RERE: variants seen among roughly 807,000 people sequenced by gnomAD.
The protein encoded by RERE is arginine-glutamic acid dipeptide repeats protein.
A neutral mutation model predicts 146.1 loss-of-function variants in RERE; 40 were observed. The ratio of observed to expected loss-of-function variants is 0.27; its 90% CI spans 0.21 to 0.36. The LOEUF (loss-of-function observed/expected upper bound fraction) is 0.36, where lower values mean the gene tolerates loss of function less well. Ranked by LOEUF, RERE falls within the 10% of genes least tolerant of loss-of-function variation. RERE has a pLI of 1.00. For synonymous variants in RERE, 1,003 were observed against 866.0 expected (o/e 1.16, Z -2.78); for missense variants, 1,933 against 2,138.7 (o/e 0.90, Z 1.90).
Position 8,503,087 on chromosome 1 carries a change from AAAATAAAT to A in RERE, c.879+5532_879+5539del, listed in dbSNP as rs199506860. ...AGAAACACCCAAGAATGATCAATTA[AAAATAAAT>A]AAATAAATAAATAAATAAATAAATA... is the stretch of plus-strand genomic sequence containing the variant. On this transcript the variant is annotated intron_variant, in intron 8 of 22. Coordinates refer to ENST00000400908, the MANE Select transcript of RERE (RefSeq NM_001042681.2). Among the ~76,000 whole-genome samples the A allele has an allele frequency of 4.5e-3, 657 of 144,650 alleles. 2 individuals carry two copies. The highest frequency in any genetic ancestry group is 0.027 in the South Asian group (126 of 4,608). 94.9% of individuals were successfully genotyped at this position (144,650 alleles called of 152,430 possible).
intron 10 of RERE, among the ~76,000 whole-genome samples, chr1:8,472,780 G>A (rs144470503): frequency 4.7e-4 from 71 of 151,942 alleles, no homozygotes; most frequent in East Asian, 3.1e-3. Flanking sequence ...CTGCCCCCAC[G>A]CAACCACTAT....
Position 8,472,202 on chromosome 1 carries a change from A to G in RERE, c.1105-6179T>C, listed in dbSNP as rs113401854. ...ATTCCTTACATAAAGTAGAATTGGT[A>G]AATTTATCAAAACACTGGCTATCTT... On this transcript the variant is annotated intron_variant, in intron 10 of 22. Transcript: ENST00000400908. Among the ~76,000 whole-genome samples, 1,148 of 152,342 alleles carry G rather than the reference A, an allele frequency of 7.5e-3. 14 individuals carry two copies. Among genetic ancestry groups the G allele is most frequent in the African/African-American group, 0.026 (1,087 of 41,576 alleles).
At chr1:8,446,627 C>T (rs552653847) in intron 11 of RERE, among the ~76,000 whole-genome samples, 19 of 152,248 alleles carry the variant, frequency 1.2e-4, no homozygotes, top group Admixed American at 2.6e-4. Context: ...ACCAATCAAA[C>T]GTAGGTTTGG....
intron 10 of RERE, among the ~76,000 whole-genome samples, chr1:8,476,229 G>A (rs1644754853): frequency 6.6e-6 from 1 of 152,144 alleles, no homozygotes. Context: ...TACTAAAAAT[G>A]AGGAAATGAA....
At chr1:8,466,937 C>T (rs1262361240) in intron 10 of RERE, among the ~76,000 whole-genome samples, 2 of 152,212 alleles carry the variant, frequency 1.3e-5, no homozygotes, top group Non-Finnish European at 2.9e-5. Context: ...CCTGCTCTAT[C>T]TACCTCCCCA....
At chr1:8,438,502 C>G (rs1644201281) in intron 11 of RERE, among the ~76,000 whole-genome samples, 1 of 152,134 alleles carries the variant, frequency 6.6e-6, no homozygotes, top group Non-Finnish European at 1.5e-5. Context: ...AGGGATTTCC[C>G]ATATAGATGG....
intron 6 of RERE, among the ~76,000 whole-genome samples, chr1:8,552,482 A>G (rs1645948046): frequency 6.6e-6 from 1 of 152,128 alleles, no homozygotes; most frequent in African/African-American, 2.4e-5. Context: ...ATGTGCCCAC[A>G]GACTATTTTA....
Position 8,509,245 on chromosome 1 carries a change from C to T in RERE, c.831-570G>A, listed in dbSNP as rs1273753803. 2.6e-5 allele frequency among the ~76,000 whole-genome samples: 4 copies of T among 152,252 alleles called. No homozygotes were observed. In the East Asian group the frequency reaches 7.7e-4, roughly 29 times the overall value. On this transcript the variant is annotated intron_variant, in intron 7 of 22. Transcript: ENST00000400908. ...TACAAGCACGAGCCACCACACCTGG[C>T]CCCTATACCATCATTCTTTCATGCC...
At chr1:8,455,534 G>T (rs1489734869) in intron 11 of RERE, among the ~76,000 whole-genome samples, 1 of 152,026 alleles carries the variant, frequency 6.6e-6, no homozygotes, top group Non-Finnish European at 1.5e-5. Flanking sequence ...ACCACAAACT[G>T]GAAGGAGTTG....
chr1:8,443,459 G>GAAAAAAAAAAAAAAAAAAAAAAA (rs144499944), intron 11 of RERE, among the ~76,000 whole-genome samples: 1 of 112,776 alleles, frequency 8.9e-6, no homozygotes, highest in Non-Finnish European at 1.7e-5. Flanking sequence ...CTCAAAAAAA[G>GAAAAAAAAAAAAAAAAAAAAAAA]AAAAAAAAAA....
chr1:8,643,722 C>G (rs968424309), intron 2 of RERE, among the ~76,000 whole-genome samples: 1 of 152,182 alleles, frequency 6.6e-6, no homozygotes, highest in Non-Finnish European at 1.5e-5. Flanking sequence ...GTGAGCACAG[C>G]AGACAGGGCA....
chr1:8,494,642 G>C (rs1298956736), intron 10 of RERE, among the ~76,000 whole-genome samples: 1 of 152,320 alleles, frequency 6.6e-6, no homozygotes, highest in South Asian at 2.1e-4. Flanking sequence ...AGAACGGTGT[G>C]AAGCCGGGAA....
At chr1:8,644,346 G>A (rs1335572084) in intron 2 of RERE, among the ~76,000 whole-genome samples, 2 of 152,130 alleles carry the variant, frequency 1.3e-5, no homozygotes, top group African/African-American at 4.8e-5. Flanking sequence ...TATAGCATGT[G>A]GTTGGAACGG....
rs143160840 is a variant in RERE at position 8,426,327 on chromosome 1, G to A, written c.1204-3520C>T. 4.1e-3 allele frequency among the ~76,000 whole-genome samples: 621 copies of A among 151,956 alleles called. 3 individuals carry two copies. Among genetic ancestry groups the A allele is most frequent in the African/African-American group, 0.014 (595 of 41,420 alleles). ...AAATTAGCTGGGCATGGTGGTGGGC[G>A]CCTGTAGTCCCAGCTACTGGGGAGG... On this transcript the variant is annotated intron_variant, in intron 11 of 22. Transcript: ENST00000400908.
intron 1 of RERE, among the ~76,000 whole-genome samples, chr1:8,726,617 T>C (rs1639974664): frequency 6.6e-6 from 1 of 152,062 alleles, no homozygotes; most frequent in Non-Finnish European, 1.5e-5. Flanking sequence ...GGGGAAAGAG[T>C]TCAGAACACC....
chr1:8,390,664 A>T lies in RERE; in HGVS notation c.1285-24690T>A, dbSNP rs980999860. 6.6e-5 allele frequency among the ~76,000 whole-genome samples: 10 copies of T among 151,976 alleles called. No homozygotes were observed. In the East Asian group the frequency reaches 1.3e-3, roughly 21 times the overall value. ...TAGTAAATATTTTAAAACTATTTTT[A>T]AAAAATCATATTTATCCAGTTAAAA... On this transcript the variant is annotated intron_variant, in intron 12 of 22. Transcript: ENST00000400908.
intron 1 of RERE, among the ~76,000 whole-genome samples, chr1:8,789,297 A>ATATATATAT (rs1468727127): frequency 3.1e-5 from 2 of 64,162 alleles, no homozygotes; most frequent in South Asian, 5.1e-4. Context: ...AAAAAAAAAA[A>ATATATATAT]AAAAATATAT....
intron 1 of RERE, among the ~76,000 whole-genome samples, chr1:8,669,364 GC>G (rs1403389063): frequency 3.3e-5 from 5 of 152,126 alleles, no homozygotes; most frequent in Admixed American, 3.3e-4. Context: ...CCTCCAAAAT[GC>G]TGGGATTACA....
intron 11 of RERE, among the ~76,000 whole-genome samples, chr1:8,450,055 T>A (rs1280375782): frequency 1.3e-5 from 2 of 152,188 alleles, no homozygotes; most frequent in East Asian, 1.9e-4. Context: ...GTGGTCCCTA[T>A]TAGAATGCAA....
Sources: gnomAD v4.1 joint callset for allele counts (sites outside exome capture counted in the v4.1 genomes callset) on GRCh38, gnomAD v4.1.1 for gene constraint, MANE v1.5 for transcripts, NCBI Gene and HGNC (gene_info 2026-07-23, HGNC 2026-07-21) for gene names.